SLC2A9: variants seen among roughly 807,000 people sequenced by gnomAD.
The protein encoded by SLC2A9 is solute carrier family 2 member 9.
Under a neutral mutation model 50.6 loss-of-function variants are expected in SLC2A9, and 39 were observed. That is an observed-to-expected ratio of 0.77 (90% CI 0.60 to 1.01). The LOEUF (loss-of-function observed/expected upper bound fraction) is 1.01, where lower values mean the gene tolerates loss of function less well. Ranked by LOEUF, SLC2A9 falls within the 50% of genes least tolerant of loss-of-function variation. SLC2A9 has a pLI of 0.00. For missense variants in SLC2A9, 686 were observed against 677.6 expected (o/e 1.01, Z -0.14); for synonymous variants, 324 against 276.9 (o/e 1.17, Z -1.69).
At chr4:9,844,161 AAT>A (rs1728555512) in intron 10 of SLC2A9, among the ~76,000 whole-genome samples, 6 of 25,188 alleles carry the variant, frequency 2.4e-4, no homozygotes, top group African/African-American at 2.1e-3. Context: ...AAAAAAAAAT[AAT>A]AATAAAAAAA....
At chr4:10,013,930 C>T (rs1246564574) in intron 2 of SLC2A9, among the ~76,000 whole-genome samples, 1 of 151,912 alleles carries the variant, frequency 6.6e-6, no homozygotes, top group Admixed American at 6.5e-5. Flanking sequence ...ATCCACACAC[C>T]ACCCCCTGGT....
At chr4:9,774,692 C>A (rs1386022218) in intron 1 of SLC2A9, among the ~76,000 whole-genome samples, 1 of 152,066 alleles carries the variant, frequency 6.6e-6, no homozygotes, top group African/African-American at 2.4e-5. Flanking sequence ...CCAAAGAAAT[C>A]ATTTTCTCTC....
At chr4:9,786,434 C>T (rs1330687759) in intron 3 of SLC2A9, among the ~76,000 whole-genome samples, 3 of 152,180 alleles carry the variant, frequency 2.0e-5, no homozygotes, top group Non-Finnish European at 2.9e-5. Flanking sequence ...GTGCACAGAT[C>T]AGGACATTCA....
At chr4:9,887,989 T>G (rs1420919151) in intron 9 of SLC2A9, among the ~76,000 whole-genome samples, 1 of 151,966 alleles carries the variant, frequency 6.6e-6, no homozygotes, top group Non-Finnish European at 1.5e-5. Context: ...TTATAAAAGT[T>G]CATCATTCTC....
chr4:9,787,802 G>T, intron 3 of SLC2A9, among the ~76,000 whole-genome samples: 1 of 152,118 alleles, frequency 6.6e-6, no homozygotes, highest in South Asian at 2.1e-4. Flanking sequence ...TGTATGTTGG[G>T]CAGGAATATC....
chr4:9,825,615 T>C (rs2109071249), downstream of SLC2A9, among the ~76,000 whole-genome samples: 1 of 152,302 alleles, frequency 6.6e-6, no homozygotes, highest in South Asian at 2.1e-4. Context: ...AGGTCAATTT[T>C]CAGTCCCTGC....
intron 3 of SLC2A9, among the ~76,000 whole-genome samples, chr4:9,816,356 G>A (rs1723591932): frequency 6.6e-6 from 1 of 152,114 alleles, no homozygotes; most frequent in South Asian, 2.1e-4. Context: ...ACAGAGAGGA[G>A]AACGGTGGTT....
rs968021703 is a variant in SLC2A9 at position 9,913,330 on chromosome 4, T to TGA, written c.1003-4987_1003-4986dup. Among the ~76,000 whole-genome samples the TGA allele has an allele frequency of 8.2e-3, 727 of 88,768 alleles. 5 individuals are homozygous for TGA. Among genetic ancestry groups the TGA allele is most frequent in the East Asian group, 0.033 (147 of 4,456 alleles). The allele number at this position is 88,768 out of a possible 152,430, so 58.2% of individuals were successfully genotyped here. On this transcript the variant is annotated intron_variant, in intron 7 of 11. Coordinates refer to ENST00000264784, the MANE Select transcript of SLC2A9 (RefSeq NM_020041.3). ...GTGTGTGTGTGTGTGTGTGTGTGTGTGAGAGAGAGAGAGAGAGAGAGAGAG... is the reference window on the plus strand; with the variant it reads ...GTGTGTGTGTGTGTGTGTGTGTGTGTGAGAGAGAGAGAGAGAGAGAGAGAGAG...
At chr4:9,983,219 C>T (rs549485565) in intron 4 of SLC2A9, among the ~76,000 whole-genome samples, 14 of 152,320 alleles carry the variant, frequency 9.2e-5, no homozygotes, top group East Asian at 7.7e-4. Flanking sequence ...TAAGTTGCCA[C>T]GCCAGGTGGG....
intron 10 of SLC2A9, chr4:9,880,015 G>A (rs2109620497): frequency 3.0e-6 from 3 of 985,404 alleles, no homozygotes; most frequent in Non-Finnish European, 3.6e-6. Flanking sequence ...GCCCTCTCCT[G>A]GGAGATCCAT....
At chr4:9,923,337 A>G (rs1194919543) in intron 6 of SLC2A9, among the ~76,000 whole-genome samples, 2 of 152,216 alleles carry the variant, frequency 1.3e-5, no homozygotes, top group East Asian at 3.8e-4. Context: ...GCACAGGTGC[A>G]TACTCCACTT....
At chr4:9,957,655 G>A (rs1553890714) in intron 5 of SLC2A9, among the ~76,000 whole-genome samples, 1 of 152,142 alleles carries the variant, frequency 6.6e-6, no homozygotes, top group Non-Finnish European at 1.5e-5. Context: ...AATGAACGGG[G>A]ACAGGGGGAA....
chr4:10,021,925 C>T (rs1312427637), upstream of SLC2A9, among the ~76,000 whole-genome samples: 1 of 151,798 alleles, frequency 6.6e-6, no homozygotes, highest in East Asian at 1.9e-4. Flanking sequence ...CTGCAACCTC[C>T]GCACCTGGGT....
chr4:9,836,316 T>A (rs79395900), intron 10 of SLC2A9, among the ~76,000 whole-genome samples: 1,477 of 92,650 alleles, frequency 0.016, 19 homozygotes, highest in African/African-American at 0.051. Flanking sequence ...AAAATAAAAA[T>A]AAAAAAGGGG....
At chr4:9,819,865 C>T (rs1423744494) in intron 3 of SLC2A9, among the ~76,000 whole-genome samples, 1 of 151,712 alleles carries the variant, frequency 6.6e-6, no homozygotes, top group Non-Finnish European at 1.5e-5. Flanking sequence ...ACCCGGGAGG[C>T]AGAAGTTGTG....
In SLC2A9 at chr4:9,975,156, G is replaced by A. The variant is rs190385506; in HGVS notation, c.681+5436C>T. Among the ~76,000 whole-genome samples the A allele has an allele frequency of 1.1e-4, 16 of 152,198 alleles. No individual in the cohort carries two copies. The Middle Eastern group carries it at 0.014, about 129-fold the overall frequency. Reference sequence around the variant, plus strand: ...AGACCTCAAACTATAAGAATCCTACGAGAAAACCTAGGAAATATCATTCTG... The same window carrying A: ...AGACCTCAAACTATAAGAATCCTACAAGAAAACCTAGGAAATATCATTCTG... On this transcript the variant is annotated intron_variant, in intron 5 of 11. Transcript: ENST00000264784.
At chr4:10,035,692 G>T (rs1312418729) in intron 1 of SLC2A9, 1 of 152,266 alleles carries the variant, frequency 6.6e-6, no homozygotes, top group Non-Finnish European at 1.5e-5. Flanking sequence ...GAGCAGATCT[G>T]CCCTCCAGTG....
chr4:9,920,479 G>C lies in SLC2A9; in HGVS notation c.908C>G (p.Ser303Cys). 8 of 1,614,184 alleles carry C rather than the reference G, an allele frequency of 5.0e-6. No homozygotes were observed. Among genetic ancestry groups the C allele is most frequent in the Non-Finnish European group, 6.8e-6 (8 of 1,180,036 alleles). ...GGGAGCTCTCAGCAGCTCCAGCACG[G>C]ACACCAGGCGGATGCTCCTCTGCAC... is the stretch of plus-strand genomic sequence containing the variant. ...SRVQRSIRLV[S>C]VLELLRAPYV... is the part of the protein sequence containing the mutation. The change falls in exon 7 of 12, where the codon TCC (serine) becomes TGC (cysteine). Residue 303 changes from serine to cysteine, a missense_variant. Transcript: ENST00000264784.
At chr4:9,853,877 A>G (rs544029457) in intron 10 of SLC2A9, among the ~76,000 whole-genome samples, 25 of 152,324 alleles carry the variant, frequency 1.6e-4, no homozygotes, top group South Asian at 8.3e-4. Context: ...AAATTAAACA[A>G]CATGCTCCTG....
Sources: allele counts gnomAD v4.1 joint callset (sites outside exome capture counted in the v4.1 genomes callset), GRCh38; gene constraint gnomAD v4.1.1; transcripts MANE v1.5; gene names NCBI Gene and HGNC (gene_info 2026-07-23, HGNC 2026-07-21).